PVT1: variants seen among roughly 807,000 people sequenced by gnomAD.
The protein encoded by PVT1 is Pvt1 oncogene, also known as CXCR4/PVT1 fusion.
At chr8:127,942,163 G>A (rs543519546) in intron 3 of PVT1, among the ~76,000 whole-genome samples, 5 of 152,120 alleles carry the variant, frequency 3.3e-5, no homozygotes, top group South Asian at 2.1e-4. Context: ...AGACACTTTC[G>A]CCTGTCAGTT....
chr8:127,921,780 T>C (rs1250048264), intron 3 of PVT1, among the ~76,000 whole-genome samples: 1 of 142,344 alleles, frequency 7.0e-6, no homozygotes, highest in South Asian at 2.6e-4. Flanking sequence ...GTCACTGCAC[T>C]CCAGCCTGGG....
intron 3 of PVT1, among the ~76,000 whole-genome samples, chr8:127,906,435 T>G (rs1173916635): frequency 6.6e-6 from 1 of 152,224 alleles, no homozygotes; most frequent in Non-Finnish European, 1.5e-5. Context: ...GCATTTTACA[T>G]CTTCCTGAGG....
chr8:127,894,120 T>G (rs139448606), intron 3 of PVT1, among the ~76,000 whole-genome samples: 2,646 of 152,308 alleles, frequency 0.017, 63 homozygotes, highest in Non-Finnish European at 0.025. Flanking sequence ...GATGGGCTCC[T>G]GGAATTATTG....
At chr8:128,018,886 T>C (rs1817403117) in intron 4 of PVT1, among the ~76,000 whole-genome samples, 1 of 152,194 alleles carries the variant, frequency 6.6e-6, no homozygotes, top group African/African-American at 2.4e-5. Flanking sequence ...CTGGAGAAGA[T>C]TGTTCCTTGA....
chr8:127,896,341 T>C lies in PVT1; in HGVS notation n.782+5343T>C, dbSNP rs577741259. ...AGTATTGGACACACTGTTCCATCCC[T>C]GAATTACACACAGGCCTCAATGCTA... On this transcript the variant is annotated intron_variant and non_coding_transcript_variant, in intron 3 of 10. Transcript: ENST00000651587. Among the ~76,000 whole-genome samples, 128 of 152,248 alleles carry C rather than the reference T, an allele frequency of 8.4e-4. 1 individual carries two copies. The highest frequency in any genetic ancestry group is 1.4e-3 in the Non-Finnish European group (92 of 68,018).
chr8:127,877,943 C>T (rs937442744), intron 2 of PVT1, among the ~76,000 whole-genome samples: 3 of 151,994 alleles, frequency 2.0e-5, no homozygotes, highest in African/African-American at 7.2e-5. Context: ...CAACAACCCC[C>T]CTCCCCCACA....
At chr8:128,023,168 G>C (rs886481274) in intron 4 of PVT1, among the ~76,000 whole-genome samples, 2 of 152,174 alleles carry the variant, frequency 1.3e-5, no homozygotes, top group African/African-American at 4.8e-5. Flanking sequence ...GTATCCGGCT[G>C]CAAGCTGAGC....
At chr8:127,869,145 T>C (rs1815324019) in intron 2 of PVT1, among the ~76,000 whole-genome samples, 1 of 152,094 alleles carries the variant, frequency 6.6e-6, no homozygotes, top group African/African-American at 2.4e-5. Context: ...TATTTATTTA[T>C]TTTGAGATGG....
At chr8:127,862,656 G>A (rs990781240) in intron 2 of PVT1, among the ~76,000 whole-genome samples, 3 of 151,822 alleles carry the variant, frequency 2.0e-5, no homozygotes, top group African/African-American at 4.8e-5. Context: ...TCCTGGCCTC[G>A]GGCAATCCTG....
intron 4 of PVT1, among the ~76,000 whole-genome samples, chr8:128,050,885 G>A (rs1401998732): frequency 6.6e-6 from 1 of 152,124 alleles, no homozygotes; most frequent in Non-Finnish European, 1.5e-5. Flanking sequence ...TTCCTCTGTG[G>A]GTTTTTCTGC....
At chr8:127,920,776 A>G (rs1816047243) in intron 3 of PVT1, among the ~76,000 whole-genome samples, 1 of 152,236 alleles carries the variant, frequency 6.6e-6, no homozygotes, top group South Asian at 2.1e-4. Context: ...ATTGTCACCA[A>G]ATAACTTAAA....
At chr8:128,092,041 C>T (rs374589902) in intron 5 of PVT1, among the ~76,000 whole-genome samples, 112 of 151,612 alleles carry the variant, frequency 7.4e-4, no homozygotes, top group African/African-American at 2.6e-3. Flanking sequence ...TCCCCTGGGC[C>T]GTGTGCAAGC....
At chr8:127,931,022 A>G (rs558070192) in intron 3 of PVT1, among the ~76,000 whole-genome samples, 1 of 152,254 alleles carries the variant, frequency 6.6e-6, no homozygotes, top group East Asian at 1.9e-4. Flanking sequence ...CCTCCCCTTC[A>G]GCGTCCCTAG....
At chr8:127,817,825 G>A (rs942821977) in intron 2 of PVT1, among the ~76,000 whole-genome samples, 1 of 151,978 alleles carries the variant, frequency 6.6e-6, no homozygotes, top group African/African-American at 2.4e-5. Context: ...CTGGGAGGTC[G>A]ATGCTGCAGT....
chr8:128,062,534 G>A (rs368267201), intron 4 of PVT1, among the ~76,000 whole-genome samples: 14 of 152,260 alleles, frequency 9.2e-5, no homozygotes, highest in African/African-American at 2.9e-4. Flanking sequence ...AACTGGGCAA[G>A]CAAACACATT....
chr8:127,965,662 GTTAT>G (rs1816695554), intron 3 of PVT1, among the ~76,000 whole-genome samples: 1 of 152,218 alleles, frequency 6.6e-6, no homozygotes, highest in Non-Finnish European at 1.5e-5. Context: ...ATGCAGTAGA[GTTAT>G]TTAGAGAAGG....
chr8:128,093,646 T>C (rs1251918996), intron 5 of PVT1, among the ~76,000 whole-genome samples: 1 of 152,008 alleles, frequency 6.6e-6, no homozygotes, highest in Non-Finnish European at 1.5e-5. Flanking sequence ...GCACATTTTT[T>C]TCTTTTTTTG....
intron 4 of PVT1, among the ~76,000 whole-genome samples, chr8:128,002,598 G>T (rs1817193459): frequency 6.6e-6 from 1 of 152,116 alleles, no homozygotes; most frequent in African/African-American, 2.4e-5. Flanking sequence ...GCCATCCTTG[G>T]CGCTCTTTGG....
At chr8:127,971,582 G>A (rs549007691) in intron 3 of PVT1, among the ~76,000 whole-genome samples, 3 of 152,224 alleles carry the variant, frequency 2.0e-5, no homozygotes. Flanking sequence ...CAGCCCTCAA[G>A]CCAGGGCACT....
Sources: gnomAD v4.1 joint callset for allele counts (sites outside exome capture counted in the v4.1 genomes callset) on GRCh38, gnomAD v4.1.1 for gene constraint, MANE v1.5 for transcripts, NCBI Gene and HGNC (gene_info 2026-07-23, HGNC 2026-07-21) for gene names.